Variants in PARD3B observed in about 807,000 individuals in gnomAD.
PARD3B encodes par-3 family cell polarity regulator beta.
A neutral mutation model predicts 130.2 loss-of-function variants in PARD3B; 103 were observed. The ratio of observed to expected loss-of-function variants is 0.79; its 90% CI spans 0.67 to 0.93. The LOEUF is 0.93. PARD3B is among the 40% of genes least tolerant of loss of function. PARD3B has a pLI of 0.00. For synonymous variants in PARD3B, 583 were observed against 553.2 expected (o/e 1.05, Z -0.76); for missense variants, 1,609 against 1,499.2 (o/e 1.07, Z -1.21).
At chr2:205,408,044 A>T (rs1173537688) in intron 19 of PARD3B, among the ~76,000 whole-genome samples, 1 of 152,210 alleles carries the variant, frequency 6.6e-6, no homozygotes, top group African/African-American at 2.4e-5. Flanking sequence ...TTCAACAACT[A>T]GCCTGAACGG....
intron 14 of PARD3B, among the ~76,000 whole-genome samples, chr2:205,188,219 C>T (rs1386503220): frequency 6.6e-6 from 1 of 152,174 alleles, no homozygotes; most frequent in African/African-American, 2.4e-5. Context: ...CGGAAGAAAG[C>T]TCTCTAGACA....
At chr2:204,834,084 T>A (rs569906564) in intron 2 of PARD3B, among the ~76,000 whole-genome samples, 4 of 152,254 alleles carry the variant, frequency 2.6e-5, no homozygotes, top group Non-Finnish European at 4.4e-5. Flanking sequence ...TGCAATATTT[T>A]TTTTTTAGGA....
intron 20 of PARD3B, among the ~76,000 whole-genome samples, chr2:205,471,438 T>G (rs867655477): frequency 6.9e-6 from 1 of 144,566 alleles, no homozygotes; most frequent in East Asian, 2.1e-4. Context: ...CTCGGCTCAC[T>G]GCAACCTCTG....
intron 2 of PARD3B, among the ~76,000 whole-genome samples, chr2:204,784,805 A>G (rs1277696723): frequency 6.6e-6 from 1 of 152,188 alleles, no homozygotes; most frequent in Non-Finnish European, 1.5e-5. Context: ...TTTCCTTGAC[A>G]AAGATGAGAT....
At chr2:204,872,495 G>A (rs987281958) in intron 2 of PARD3B, among the ~76,000 whole-genome samples, 10 of 151,958 alleles carry the variant, frequency 6.6e-5, no homozygotes, top group African/African-American at 2.4e-4. Flanking sequence ...TTTTGTGTTT[G>A]TTTAGTTTTT....
intron 21 of PARD3B, among the ~76,000 whole-genome samples, chr2:205,522,952 T>C (rs1032157924): frequency 3.3e-5 from 5 of 151,990 alleles, no homozygotes; most frequent in African/African-American, 1.2e-4. Context: ...TTTTATCTGT[T>C]AAACACAGAT....
At chr2:204,927,455 C>A (rs1687706085) in intron 2 of PARD3B, among the ~76,000 whole-genome samples, 1 of 152,132 alleles carries the variant, frequency 6.6e-6, no homozygotes, top group Non-Finnish European at 1.5e-5. Context: ...TCTCAGACTT[C>A]CCAGCCTTTA....
chr2:204,967,144 T>A lies in PARD3B; in HGVS notation c.394+1821T>A, dbSNP rs1205388394. Reference sequence around the variant, plus strand: ...TGCCAAAACCCTGAAAATACTAAACTCCTTGGTCTACAATCTCATTTCACT... The same window carrying A: ...TGCCAAAACCCTGAAAATACTAAACACCTTGGTCTACAATCTCATTTCACT... On this transcript the variant is annotated intron_variant, in intron 3 of 22. Coordinates refer to ENST00000406610, the MANE Select transcript of PARD3B (RefSeq NM_001302769.2). This position sits in a 1 kb window ranked among gnomAD's most constrained non-coding sequence, Gnocchi z 4.4. 6.6e-6 allele frequency among the ~76,000 whole-genome samples: 1 copy of A among 152,156 alleles called. No homozygotes were observed. Among genetic ancestry groups the A allele is most frequent in the African/African-American group, 2.4e-5 (1 of 41,438 alleles).
At chr2:205,123,194 A>G (rs2030963442) in intron 8 of PARD3B, among the ~76,000 whole-genome samples, 1 of 152,232 alleles carries the variant, frequency 6.6e-6, no homozygotes, top group South Asian at 2.1e-4. Flanking sequence ...CATAATAGGC[A>G]TGCATTAATA....
chr2:205,013,474 C>T (rs200927660), intron 3 of PARD3B, among the ~76,000 whole-genome samples: 18 of 152,044 alleles, frequency 1.2e-4, no homozygotes, highest in African/African-American at 1.7e-4. Context: ...TAGTGTCTGT[C>T]GGGGTTCCCA....
rs962644983 is a variant in PARD3B, at chr2:205,113,378, A to G, written c.594-113A>G. On this transcript the variant is annotated intron_variant, in intron 5 of 22. Coordinates refer to ENST00000406610, the MANE Select transcript of PARD3B (RefSeq NM_001302769.2). ...TGACTTTGAAGTTGTATTAGTTGAT[A>G]TAATCCTGAGCAGGGGTGTGTGTGT... The G allele has an allele frequency of 6.7e-6, 4 of 600,302 alleles. No individual in the cohort carries two copies. In the African/African-American group the frequency reaches 7.9e-5, roughly 12 times the overall value. 37.2% of individuals were successfully genotyped at this position (600,302 alleles called of 1,614,324 possible). A position where few individuals can be genotyped will look rare whatever the true frequency, so the allele number is the denominator to read the frequency against.
At chr2:204,650,097 A>G (rs923967525) in intron 1 of PARD3B, among the ~76,000 whole-genome samples, 1 of 152,228 alleles carries the variant, frequency 6.6e-6, no homozygotes, top group African/African-American at 2.4e-5. Flanking sequence ...GACAAAGGAC[A>G]TGAACAGACA....
At chr2:205,131,330 T>A (rs1392583825) in intron 10 of PARD3B, among the ~76,000 whole-genome samples, 2 of 152,234 alleles carry the variant, frequency 1.3e-5, no homozygotes, top group African/African-American at 4.8e-5. Flanking sequence ...TTTTATGTAT[T>A]CTCCAAGTAA....
At position 205,612,499 on chromosome 2, in the gene PARD3B, GA is replaced by G. The variant is rs201780202; in HGVS notation, c.3261-2955del. 7.3e-3 allele frequency among the ~76,000 whole-genome samples: 1,115 copies of G among 152,214 alleles called. 14 individuals are homozygous for G. Among genetic ancestry groups the G allele is most frequent in the African/African-American group, 0.024 (1,010 of 41,506 alleles). On this transcript the variant is annotated intron_variant, in intron 22 of 22. Coordinates refer to ENST00000406610, the MANE Select transcript of PARD3B (RefSeq NM_001302769.2). ...CACACATAATAGTCAGAAGAACTTA[GA>G]AGTTGTTCTGACAAAAGTCTGTAGG...
At chr2:204,980,847 C>G (rs1163966110) in intron 3 of PARD3B, among the ~76,000 whole-genome samples, 4 of 152,164 alleles carry the variant, frequency 2.6e-5, no homozygotes, top group Non-Finnish European at 5.9e-5. Flanking sequence ...GTATCCTAAA[C>G]TGGATCCTGG....
chr2:205,499,716 G>A (rs1231637238), intron 20 of PARD3B, among the ~76,000 whole-genome samples, 180 bp from the exon 21 acceptor site: 2 of 152,140 alleles, frequency 1.3e-5, no homozygotes, highest in Non-Finnish European at 2.9e-5. Context: ...CTAAAGGTAG[G>A]CACGTAAAGA....
intron 3 of PARD3B, among the ~76,000 whole-genome samples, chr2:205,045,497 C>T (rs1389404784): frequency 2.6e-5 from 4 of 151,986 alleles, no homozygotes; most frequent in Non-Finnish European, 5.9e-5. Flanking sequence ...ATCCACTTGC[C>T]TCGGCCTCCC....
At chr2:205,510,384 T>A (rs2106369048) in intron 21 of PARD3B, among the ~76,000 whole-genome samples, 1 of 152,340 alleles carries the variant, frequency 6.6e-6, no homozygotes, top group South Asian at 2.1e-4. Flanking sequence ...TCCAGAGCCC[T>A]TGGACATTAT....
At chr2:205,505,631 C>T (rs2050331582) in intron 21 of PARD3B, among the ~76,000 whole-genome samples, 2 of 152,120 alleles carry the variant, frequency 1.3e-5, no homozygotes, top group South Asian at 4.2e-4. Context: ...TAATATTTGC[C>T]AGAGGAAAAC....
Sources: gnomAD v4.1 joint callset for allele counts (sites outside exome capture counted in the v4.1 genomes callset) on GRCh38, gnomAD v4.1.1 for gene constraint, Gnocchi (gnomAD v3.1) non-coding constraint, MANE v1.5 for transcripts, NCBI Gene and HGNC (gene_info 2026-07-23, HGNC 2026-07-21) for gene names.